NOP14: variants seen among roughly 807,000 people sequenced by gnomAD.
The protein encoded by NOP14 is nucleolar protein 14.
In NOP14, 57 loss-of-function variants were observed where a neutral mutation model predicts 101.6. The ratio of observed to expected loss-of-function variants is 0.56; its 90% CI spans 0.45 to 0.70. NOP14 has a LOEUF of 0.70. Ranked by LOEUF, NOP14 falls within the 30% of genes least tolerant of loss-of-function variation. The pLI is 0.00. For missense variants in NOP14, 1,134 were observed against 1,075.5 expected, an observed-to-expected ratio of 1.05 and a Z score of -0.76; for synonymous variants, 428 against 424.0, an observed-to-expected ratio of 1.01 and a Z score of -0.12.
At chr4:2,954,353 A>G in intron 4 of NOP14, 71 bp downstream of exon 4, 1 of 1,550,590 alleles carries the variant, frequency 6.4e-7, no homozygotes, top group Non-Finnish European at 8.7e-7. Context: ...TACAGGAAAA[A>G]AAAGCTCAAA....
At chr4:2,961,171 T>G (rs1276688831) in intron 1 of NOP14, among the ~76,000 whole-genome samples, 1 of 13,986 alleles carries the variant, frequency 7.2e-5, no homozygotes, top group Non-Finnish European at 1.2e-4. Flanking sequence ...TAATATGCTA[T>G]TACAATAATA....
chr4:2,959,911 A>G (rs1715612655), intron 1 of NOP14, among the ~76,000 whole-genome samples: 1 of 152,136 alleles, frequency 6.6e-6, no homozygotes, highest in Non-Finnish European at 1.5e-5. Flanking sequence ...TACATGTGCT[A>G]GCCTGTACTG....
At chr4:2,952,853 G>C (rs1363137509) in intron 5 of NOP14, among the ~76,000 whole-genome samples, 1 of 152,272 alleles carries the variant, frequency 6.6e-6, no homozygotes, top group African/African-American at 2.4e-5. Flanking sequence ...TGAGGCAAGA[G>C]AATCACTTGA....
At position 2,956,705 on chromosome 4, in the gene NOP14, C is replaced by T. The variant is rs775803890; in HGVS notation, c.437G>A (p.Ser146Asn). 6.2e-7 allele frequency: 1 copy of T among 1,613,420 alleles called. No homozygotes were observed. The highest frequency in any genetic ancestry group is 1.7e-5 in the Admixed American group (1 of 59,874). The change falls in exon 3 of 18, where the codon AGT (serine) becomes AAT (asparagine). Residue 146 changes from serine (S) to asparagine (N), a missense_variant. Physicochemically the swap from Ser to Asn is conservative, Grantham distance 46 (BLOSUM62 1). Coordinates refer to ENST00000416614, the MANE Select transcript of NOP14 (RefSeq NM_001291978.2). ...TCCTCGATCCTCAGCATCGCTGTCA[C>T]TGTCCACAATGTCATTATGCTTCTC... is the stretch of plus-strand genomic sequence containing the variant. The part of the protein sequence containing the change: ...DIEKHNDIVD[S>N]DSDAEDRGTL...
chr4:2,952,607 A>T (rs1715103610), intron 5 of NOP14, among the ~76,000 whole-genome samples: 1 of 152,150 alleles, frequency 6.6e-6, no homozygotes, highest in Non-Finnish European at 1.5e-5. Context: ...GGTCACAAAG[A>T]ATTTGTTTAC....
intron 1 of NOP14, among the ~76,000 whole-genome samples, chr4:2,958,248 C>T (rs999663005): frequency 6.6e-6 from 1 of 152,070 alleles, no homozygotes; most frequent in Non-Finnish European, 1.5e-5. Context: ...CCAAGAGGAG[C>T]AATATTTTAA....
intron 14 of NOP14, 88 bp downstream of exon 14, chr4:2,942,102 AAG>A (rs1338891692): frequency 7.3e-7 from 1 of 1,364,620 alleles, no homozygotes; most frequent in Non-Finnish European, 1.0e-6. Context: ...CAAGTTCACT[AAG>A]AACAGCACAT....
At chr4:2,944,765 A>G (rs1714489207) in intron 12 of NOP14, among the ~76,000 whole-genome samples, 1 of 152,250 alleles carries the variant, frequency 6.6e-6, no homozygotes, top group Non-Finnish European at 1.5e-5. Flanking sequence ...TTACTGCACT[A>G]AGCATGTACC....
At chr4:2,945,325 C>A in intron 11 of NOP14, 96 bp from the exon 12 acceptor site, 3 of 927,392 alleles carry the variant, frequency 3.2e-6, no homozygotes, top group Admixed American at 2.1e-5. Context: ...CAGGATCTGG[C>A]GAGGAGAGGG....
At chr4:2,959,294 G>C (rs1318275603) in intron 1 of NOP14, among the ~76,000 whole-genome samples, 1 of 152,188 alleles carries the variant, frequency 6.6e-6, no homozygotes, top group Non-Finnish European at 1.5e-5. Flanking sequence ...AACAATGTTT[G>C]TTAAAAACAC....
intron 8 of NOP14, 108 bp from the exon 9 acceptor site, chr4:2,948,516 G>A (rs755403945): frequency 5.6e-5 from 46 of 820,432 alleles, no homozygotes; most frequent in Admixed American, 1.2e-4. Flanking sequence ...GTGCAGTGGT[G>A]CAATCTCAGC....
rs369298392 is a variant in NOP14, at chr4:2,941,855, C to T, written c.2052-126G>A. The T allele has an allele frequency of 1.7e-4, 196 of 1,178,826 alleles. No homozygotes were observed. In the African/African-American group the frequency reaches 2.5e-3, roughly 15 times the overall value. 73.0% of individuals were successfully genotyped at this position (1,178,826 alleles called of 1,614,324 possible). ...AAAACTCCAGTGTGGCCACCTTGGCCGGCCAGGGTTGGGCCCATGCAACCA... is the reference window on the plus strand; with the variant it reads ...AAAACTCCAGTGTGGCCACCTTGGCTGGCCAGGGTTGGGCCCATGCAACCA... On this transcript the variant is annotated intron_variant, in intron 14 of 17. Transcript: ENST00000416614.
In NOP14 at chr4:2,951,077, AAGAG is replaced by A. The variant is rs761246522; in HGVS notation, c.1002+33_1002+36del. 1.4e-5 allele frequency: 22 copies of A among 1,545,422 alleles called. No individual in the cohort carries two copies. In the East Asian group the frequency reaches 2.9e-4, roughly 21 times the overall value. On this transcript the variant is annotated intron_variant, in intron 7 of 17. Coordinates refer to ENST00000416614, the MANE Select transcript of NOP14 (RefSeq NM_001291978.2). ...CAAAAAAATGTTTTTAAATTAAAAA[AAGAG>A]AGAGAAAGAGAAAATGAAGGCAAAC...
rs552145144 is a variant in NOP14, at chr4:2,947,194, C to G, written c.1499+332G>C. 122 of 377,546 alleles carry G rather than the reference C, an allele frequency of 3.2e-4. No individual in the cohort carries two copies. In the South Asian group the frequency reaches 3.9e-3, roughly 12 times the overall value. 23.4% of individuals were successfully genotyped at this position (377,546 alleles called of 1,614,324 possible). On this transcript the variant is annotated intron_variant, in intron 10 of 17. Coordinates refer to ENST00000416614, the MANE Select transcript of NOP14 (RefSeq NM_001291978.2). The stretch of plus-strand genomic sequence containing the variant: ...GGTGAGGGGCGGGGTGTCTACCGTG[C>G]TTTCCAAATACCGCTCAGTCACCCA...
chr4:2,944,624 CTTG>C, intron 12 of NOP14, among the ~76,000 whole-genome samples: 3 of 152,274 alleles, frequency 2.0e-5, no homozygotes, highest in Middle Eastern at 6.8e-3. Flanking sequence ...CCACACTGGT[CTTG>C]AACTCCCGAC....
chr4:2,940,839 A>G (rs1183090857), intron 15 of NOP14: 1 of 152,840 alleles, frequency 6.5e-6, no homozygotes, highest in Non-Finnish European at 1.5e-5. Flanking sequence ...TCCAGAGACG[A>G]AGCCAGGCCT....
chr4:2,946,367 A>G lies in NOP14; in HGVS notation c.1635+45T>C, dbSNP rs1714646111. The G allele has an allele frequency of 4.3e-6, 7 of 1,609,776 alleles. No individual in the cohort carries two copies. In the South Asian group the frequency reaches 7.7e-5, roughly 18 times the overall value. ...TCGTCCACCTTCTGTGATGCCAAAC[A>G]GAACTTCTGTGGCAGGGGCAGTGCC... On this transcript the variant is annotated intron_variant, in intron 11 of 17. Coordinates refer to ENST00000416614, the MANE Select transcript of NOP14 (RefSeq NM_001291978.2).
Position 2,938,082 on chromosome 4 carries a change from A to G in NOP14, c.*749T>C, listed in dbSNP as rs774623239. 43 of 735,384 alleles carry G rather than the reference A, an allele frequency of 5.8e-5. No individual in the cohort carries two copies. The highest frequency in any genetic ancestry group is 6.0e-4 in the Middle Eastern group (2 of 3,344). 45.6% of individuals were successfully genotyped at this position (735,384 alleles called of 1,614,324 possible). On this transcript the variant is annotated 3_prime_UTR_variant, in exon 18 of 18. Coordinates refer to ENST00000416614, the MANE Select transcript of NOP14 (RefSeq NM_001291978.2). The stretch of plus-strand genomic sequence containing the variant: ...AGACGCAGTGAACCAGTCGCAGCTG[A>G]TAACACACAGACCATTCCCGATCCC...
intron 11 of NOP14, 148 bp downstream of exon 11, chr4:2,946,264 C>G (rs1402430252): frequency 1.2e-6 from 1 of 821,448 alleles, no homozygotes. Context: ...CACTCTCACT[C>G]CAGATCACCC....
Sources: gnomAD v4.1 joint callset for allele counts (sites outside exome capture counted in the v4.1 genomes callset) on GRCh38, gnomAD v4.1.1 for gene constraint, MANE v1.5 for transcripts, NCBI Gene and HGNC (gene_info 2026-07-23, HGNC 2026-07-21) for gene names.